The following SGSM1 variants were observed in gnomAD, a reference collection of about 807,000 sequenced individuals.
The protein encoded by SGSM1 is RUN and TBC1 domain containing 2.
Under a neutral mutation model 133.8 loss-of-function variants are expected in SGSM1, and 73 were observed. The observed-to-expected ratio is 0.55, with a 90% CI of 0.45 to 0.66. SGSM1 has a LOEUF of 0.66. Among genes scored for constraint, SGSM1 ranks in the 30% least tolerant of loss-of-function variants. The pLI is 0.00. For synonymous variants in SGSM1, 563 were observed against 573.0 expected (o/e 0.98, Z 0.25); for missense variants, 1,213 against 1,448.1 (o/e 0.84, Z 2.64).
At chr22:24,843,273 TG>T (rs1326230542) in intron 2 of SGSM1, among the ~76,000 whole-genome samples, 2 of 148,128 alleles carry the variant, frequency 1.4e-5, no homozygotes, top group African/African-American at 5.0e-5. Context: ...CTTGGTTGTG[TG>T]GGGTGGGGGT....
rs1293498356 is a variant in SGSM1, at chr22:24,850,377, G to T, written c.400G>T (p.Ala134Ser). The change falls in exon 5 of 25, where the codon GCC becomes TCC. Residue 134 changes from alanine (A) to serine (S), a missense_variant. Transcript: ENST00000400358. ...LAIKHLWIRT[A>S]LFEKVLDKIV... ...CATCAAGCATCTGTGGATTCGCACAGCCTTGTTTGAGAAGGTCCTGGACAA... is the reference window on the plus strand; with the variant it reads ...CATCAAGCATCTGTGGATTCGCACATCCTTGTTTGAGAAGGTCCTGGACAA... 1 of 1,613,872 alleles carries T rather than the reference G, an allele frequency of 6.2e-7. No homozygotes were observed. Among genetic ancestry groups the T allele is most frequent in the African/African-American group, 1.3e-5 (1 of 74,926 alleles).
At chr22:24,844,771 G>A in intron 2 of SGSM1, 126 bp from the exon 3 acceptor site, 4 of 684,326 alleles carry the variant, frequency 5.8e-6, no homozygotes, top group Non-Finnish European at 9.7e-6. Context: ...AGGAAAGCAG[G>A]TGTCAAAACA....
chr22:24,811,383 C>G (rs923167120), intron 2 of SGSM1, among the ~76,000 whole-genome samples: 2 of 151,220 alleles, frequency 1.3e-5, no homozygotes, highest in East Asian at 3.9e-4. Context: ...ACAACTCATT[C>G]TTACTGCTTT....
chr22:24,819,154 A>AC (rs35326050), intron 2 of SGSM1, among the ~76,000 whole-genome samples: 21,624 of 151,564 alleles, frequency 0.14, 1,840 homozygotes, highest in South Asian at 0.25. Flanking sequence ...AAAAAAAAAA[A>AC]AAAACAATAA....
intron 8 of SGSM1, 156 bp downstream of exon 8, chr22:24,855,836 T>C (rs1370346910): frequency 1.8e-6 from 2 of 1,129,636 alleles, no homozygotes; most frequent in South Asian, 2.7e-5. Flanking sequence ...CATCCATCCA[T>C]CTATATTTAC....
chr22:24,915,639 A>G lies in SGSM1; in HGVS notation c.2929-2019A>G, dbSNP rs574794378. Among the ~76,000 whole-genome samples, 8 of 152,336 alleles carry G rather than the reference A, an allele frequency of 5.3e-5. No homozygotes were observed. In the East Asian group the frequency reaches 1.3e-3, roughly 26 times the overall value. On this transcript the variant is annotated intron_variant, in intron 22 of 24. Transcript: ENST00000400358. The stretch of plus-strand genomic sequence containing the variant: ...CAGGCATGCAATGTGAAATAAGAAA[A>G]TAGAGTTTGTGGAAAATAGAGTTTC...
chr22:24,879,377 A>G (rs953157411), intron 13 of SGSM1, 85 bp from the exon 14 acceptor site: 175 of 1,307,224 alleles, frequency 1.3e-4, no homozygotes, highest in Non-Finnish European at 1.7e-4. Flanking sequence ...TCTGCCCTCT[A>G]GAGATAGCAC....
intron 19 of SGSM1, 91 bp downstream of exon 19, chr22:24,898,650 G>C: frequency 1.6e-6 from 2 of 1,265,184 alleles, no homozygotes; most frequent in Non-Finnish European, 2.2e-6. Flanking sequence ...AATGACCCCG[G>C]AGTCAGACCT....
At chr22:24,825,512 C>T (rs1928746002) in intron 2 of SGSM1, among the ~76,000 whole-genome samples, 1 of 152,132 alleles carries the variant, frequency 6.6e-6, no homozygotes, top group African/African-American at 2.4e-5. Context: ...TCACTGCAAC[C>T]CCTGCCTCCT....
intron 21 of SGSM1, among the ~76,000 whole-genome samples, chr22:24,909,351 C>G (rs1042290569): frequency 6.6e-6 from 1 of 152,028 alleles, no homozygotes; most frequent in Admixed American, 6.6e-5. Flanking sequence ...AGAATCAAAA[C>G]AATAGAAAAT....
chr22:24,882,983 C>T (rs1355905092), intron 14 of SGSM1, among the ~76,000 whole-genome samples: 1 of 151,772 alleles, frequency 6.6e-6, no homozygotes, highest in Non-Finnish European at 1.5e-5. Context: ...CTGCAAGCTC[C>T]GCCTCCTGGG....
At chr22:24,911,830 AG>A (rs1933635012) in intron 21 of SGSM1, among the ~76,000 whole-genome samples, 1 of 152,282 alleles carries the variant, frequency 6.6e-6, no homozygotes, top group South Asian at 2.1e-4. Flanking sequence ...TGAGGCAGGC[AG>A]GTCACAAGGT....
At chr22:24,871,604 T>G (rs994345025) in intron 12 of SGSM1, among the ~76,000 whole-genome samples, 2 of 152,174 alleles carry the variant, frequency 1.3e-5, no homozygotes, top group African/African-American at 2.4e-5. Context: ...AGGAAACTGA[T>G]GCACAGAAGG....
chr22:24,888,073 G>C (rs116013589), intron 16 of SGSM1, among the ~76,000 whole-genome samples: 2,898 of 152,238 alleles, frequency 0.019, 92 homozygotes, highest in African/African-American at 0.067. Flanking sequence ...GAGTTGGAGA[G>C]TCCTTTATAT....
At chr22:24,918,359 G>T (rs1191766703) in intron 23 of SGSM1, among the ~76,000 whole-genome samples, 2 of 151,972 alleles carry the variant, frequency 1.3e-5, no homozygotes, top group African/African-American at 2.4e-5. Context: ...GGCCGGGCAT[G>T]GTGGCACATG....
intron 24 of SGSM1, among the ~76,000 whole-genome samples, chr22:24,923,478 G>C (rs1276199673): frequency 6.6e-6 from 1 of 151,450 alleles, no homozygotes; most frequent in Admixed American, 6.6e-5. Context: ...TGGTTTTTTT[G>C]TCCCTTTCTC....
At chr22:24,901,586 C>A (rs1164367691) in intron 19 of SGSM1, among the ~76,000 whole-genome samples, 1 of 152,076 alleles carries the variant, frequency 6.6e-6, no homozygotes, top group Admixed American at 6.6e-5. Flanking sequence ...CAGTTTTCAG[C>A]AGAGAGAGGT....
intron 22 of SGSM1, among the ~76,000 whole-genome samples, chr22:24,915,377 T>C (rs1303286348): frequency 6.6e-6 from 1 of 152,236 alleles, no homozygotes. Flanking sequence ...CTCAGTTTTA[T>C]CAGGCACAAC....
intron 15 of SGSM1, among the ~76,000 whole-genome samples, chr22:24,886,030 A>G (rs1244356135): frequency 1.3e-5 from 2 of 152,218 alleles, no homozygotes; most frequent in African/African-American, 2.4e-5. Context: ...GGTGTTGCCA[A>G]TTAGTATTCT....
Sources: gnomAD v4.1 joint callset for allele counts (sites outside exome capture counted in the v4.1 genomes callset) on GRCh38, gnomAD v4.1.1 for gene constraint, MANE v1.5 for transcripts, NCBI Gene and HGNC (gene_info 2026-07-23, HGNC 2026-07-21) for gene names.